ZNF682: variants seen among roughly 807,000 people sequenced by gnomAD.
ZNF682 encodes zinc finger protein 682.
Under a neutral mutation model 36.5 loss-of-function variants are expected in ZNF682, and 29 were observed. That is an observed-to-expected ratio of 0.80 (90% CI 0.59 to 1.08). ZNF682 has a LOEUF of 1.08. Ranked by LOEUF, ZNF682 falls within the 50% of genes least tolerant of loss-of-function variation. The pLI is 0.00. For missense variants in ZNF682, 561 were observed against 579.7 expected (o/e 0.97, Z 0.33); for synonymous variants, 180 against 197.0 (o/e 0.91, Z 0.72).
intron 3 of ZNF682, among the ~76,000 whole-genome samples, chr19:20,022,645 A>G (rs1223302144): frequency 6.6e-6 from 1 of 152,090 alleles, no homozygotes; most frequent in Non-Finnish European, 1.5e-5. Context: ...CCTGGGCAAC[A>G]CGAGCGAAAC....
intron 3 of ZNF682, among the ~76,000 whole-genome samples, chr19:20,014,005 C>T (rs911324419): frequency 6.6e-5 from 10 of 152,194 alleles, no homozygotes; most frequent in Admixed American, 2.0e-4. Flanking sequence ...TAAGCATGCT[C>T]GTGTTCAAGG....
At chr19:20,031,541 T>C (rs913187739) in intron 1 of ZNF682, among the ~76,000 whole-genome samples, 3 of 152,242 alleles carry the variant, frequency 2.0e-5, no homozygotes, top group African/African-American at 7.2e-5. Flanking sequence ...CCAGTGCTTA[T>C]ATGCAGATTC....
chr19:20,000,136 G>A (rs574267083), downstream of ZNF682, among the ~76,000 whole-genome samples: 4 of 152,268 alleles, frequency 2.6e-5, no homozygotes, highest in East Asian at 1.9e-4. Context: ...GTAGCCTGGC[G>A]GGGCCTCTGG....
chr19:20,000,123 T>C (rs2088156446), downstream of ZNF682, among the ~76,000 whole-genome samples: 1 of 152,144 alleles, frequency 6.6e-6, no homozygotes, highest in African/African-American at 2.4e-5. Flanking sequence ...GGCTGAGTAA[T>C]CAGTAGCCTG....
intron 3 of ZNF682, chr19:20,008,187 GAA>G (rs1487137923): frequency 1.3e-5 from 2 of 152,276 alleles, no homozygotes. Flanking sequence ...AGCACACAGA[GAA>G]GTCATGGGAT....
chr19:20,005,947 GATT>G lies in ZNF682; in HGVS notation c.*55_*57del, dbSNP rs2088210818. The G allele has an allele frequency of 6.8e-7, 1 of 1,479,856 alleles. No individual in the cohort carries two copies. Among genetic ancestry groups the G allele is most frequent in the Non-Finnish European group, 9.1e-7 (1 of 1,098,168 alleles). The allele number at this position is 1,479,856 out of a possible 1,614,324, so 91.7% of individuals were successfully genotyped here. On this transcript the variant is annotated 3_prime_UTR_variant, in exon 4 of 4. Coordinates refer to ENST00000397165, the MANE Select transcript of ZNF682 (RefSeq NM_033196.3). ...CTTGTGATTTCAATGCCTTGAGCAA[GATT>G]TATGGAATTTGCCACATTCTTTACA...
chr19:20,016,101 A>G lies in ZNF682; in HGVS notation c.226+6903T>C, dbSNP rs148015253. Among the ~76,000 whole-genome samples the G allele has an allele frequency of 3.4e-3, 517 of 152,306 alleles. 2 individuals are homozygous for G. The highest frequency in any genetic ancestry group is 0.012 in the African/African-American group (489 of 41,574). Reference sequence around the variant, plus strand: ...TGAGGCGGGTGGATCGCTTGAGCTCAGGAGTTCAACACCAGCCTGGACAAC... The same window carrying G: ...TGAGGCGGGTGGATCGCTTGAGCTCGGGAGTTCAACACCAGCCTGGACAAC... On this transcript the variant is annotated intron_variant, in intron 3 of 3. Transcript: ENST00000397165.
chr19:19,997,829 C>T (rs1165771052), intron 3 of ZNF682, among the ~76,000 whole-genome samples: 1 of 152,188 alleles, frequency 6.6e-6, no homozygotes, highest in Admixed American at 6.5e-5. Context: ...TTCTGTGAGG[C>T]TCCTGCATGG....
Position 20,007,055 on chromosome 19 carries a change from T to C in ZNF682, c.447A>G (p.Lys149=), listed in dbSNP as rs141360940. 1.1e-4 allele frequency: 170 copies of C among 1,613,566 alleles called. No homozygotes were observed. The African/African-American group carries it at 2.0e-3, about 19-fold the overall frequency. ...TLPSKIFPYN[K]CVKVFSKSSN... ...ATGATTTACTAAAGACTTTCACACA[T>C]TTATTATATGGGAAAATTTTGCTAG... Residue 149 remains lysine (K), a synonymous_variant, in exon 4 of 4, where the codon AAA becomes AAG. Coordinates refer to ENST00000397165, the MANE Select transcript of ZNF682 (RefSeq NM_033196.3).
At chr19:20,029,814 G>T (rs1438873728) in intron 1 of ZNF682, among the ~76,000 whole-genome samples, 1 of 66,716 alleles carries the variant, frequency 1.5e-5, no homozygotes, top group Non-Finnish European at 3.3e-5. Context: ...AGAAACAGTG[G>T]TTTTAATTAA....
Position 20,038,588 on chromosome 19 carries a change from G to C in ZNF682, c.3+755C>G, listed in dbSNP as rs191507803. 4.6e-3 allele frequency among the ~76,000 whole-genome samples: 678 copies of C among 147,090 alleles called. 7 individuals carry two copies. The highest frequency in any genetic ancestry group is 7.6e-3 in the Non-Finnish European group (511 of 67,490). ...AATAGCAGGCAGTTAGACTGAGGTG[G>C]CTCTAGTACCCTGAGTTCCTACATT... On this transcript the variant is annotated intron_variant, in intron 1 of 3. Transcript: ENST00000397165.
At chr19:20,025,093 A>T (rs1489338020) in intron 1 of ZNF682, among the ~76,000 whole-genome samples, 1 of 152,196 alleles carries the variant, frequency 6.6e-6, no homozygotes, top group Non-Finnish European at 1.5e-5. Context: ...TGAATTTCTA[A>T]AAGCTAGCCA....
intron 1 of ZNF682, among the ~76,000 whole-genome samples, chr19:20,025,752 T>G (rs1441070628): frequency 6.6e-6 from 1 of 151,368 alleles, no homozygotes; most frequent in African/African-American, 2.4e-5. Flanking sequence ...TCAACACACA[T>G]GGGCAGACAA....
chr19:20,024,314 G>T lies in ZNF682; in HGVS notation c.66C>A (p.Asn22Lys). The T allele has an allele frequency of 6.2e-7, 1 of 1,613,940 alleles. No homozygotes were observed. The highest frequency in any genetic ancestry group is 1.1e-5 in the South Asian group (1 of 91,044). ...EFSLEEWEFL[N>K]PAQQSLYRKV... The stretch of plus-strand genomic sequence containing the variant: ...TCCTATACAAACTCTGCTGAGCAGG[G>T]TTCAGAAACTCCCACTCCTCCAGAG... Residue 22 changes from asparagine to lysine, a missense_variant, in exon 2 of 4, where the codon AAC becomes AAA. Coordinates refer to ENST00000397165, the MANE Select transcript of ZNF682 (RefSeq NM_033196.3).
chr19:20,013,525 A>G (rs1233516803), intron 3 of ZNF682, among the ~76,000 whole-genome samples: 2 of 152,226 alleles, frequency 1.3e-5, no homozygotes, highest in Non-Finnish European at 2.9e-5. Context: ...CATAGCTCAT[A>G]ACACATTCTC....
chr19:20,036,539 G>A (rs1038717203), intron 1 of ZNF682, among the ~76,000 whole-genome samples: 1 of 146,178 alleles, frequency 6.8e-6, no homozygotes, highest in African/African-American at 2.5e-5. Context: ...CCAGGAGGCA[G>A]AGGTTACAGT....
At chr19:20,000,474 G>A (rs756635989), downstream of ZNF682, among the ~76,000 whole-genome samples, 6 of 152,132 alleles carry the variant, frequency 3.9e-5, no homozygotes, top group East Asian at 1.9e-4. Context: ...CTCTCTTGTC[G>A]TTTCATCTAG....
intron 1 of ZNF682, among the ~76,000 whole-genome samples, chr19:20,026,873 TAA>T (rs975895846): frequency 8.5e-5 from 13 of 152,238 alleles, no homozygotes; most frequent in African/African-American, 3.1e-4. Context: ...CTCTGATATA[TAA>T]AAGAGAAGTA....
intron 1 of ZNF682, among the ~76,000 whole-genome samples, chr19:20,029,185 GC>G (rs1473836477): frequency 1.3e-5 from 2 of 151,756 alleles, no homozygotes; most frequent in Non-Finnish European, 2.9e-5. Flanking sequence ...CGCCATGTTG[GC>G]CAGGCTGGTC....
Sources: gnomAD v4.1 joint callset for allele counts (sites outside exome capture counted in the v4.1 genomes callset) on GRCh38, gnomAD v4.1.1 for gene constraint, MANE v1.5 for transcripts, NCBI Gene and HGNC (gene_info 2026-07-23, HGNC 2026-07-21) for gene names.